PMFBP1: variants seen among roughly 807,000 people sequenced by gnomAD.
PMFBP1 encodes the protein polyamine-modulated factor 1-binding protein 1.
In PMFBP1, 131 loss-of-function variants were observed where a neutral mutation model predicts 137.8. The observed-to-expected ratio is 0.95, with a 90% CI of 0.82 to 1.10. The LOEUF (loss-of-function observed/expected upper bound fraction) is 1.10, where lower values mean the gene tolerates loss of function less well. Ranked by LOEUF, PMFBP1 falls within the 50% of genes least tolerant of loss-of-function variation. The pLI is 0.00. For missense variants in PMFBP1, 1,199 were observed against 1,175.4 expected (o/e 1.02, Z -0.29); for synonymous variants, 490 against 450.4 (o/e 1.09, Z -1.11).
chr16:72,165,429 T>C (rs1432032509), intron 2 of PMFBP1, among the ~76,000 whole-genome samples: 1 of 151,782 alleles, frequency 6.6e-6, no homozygotes, highest in African/African-American at 2.4e-5. Flanking sequence ...TTTTTTTTTT[T>C]TTTGAGACGG....
chr16:72,172,806 A>C (rs2144538179), upstream of PMFBP1, among the ~76,000 whole-genome samples: 1 of 152,322 alleles, frequency 6.6e-6, no homozygotes, highest in South Asian at 2.1e-4. Flanking sequence ...TTAATTAAAA[A>C]TACTTTGTTG....
the PMFBP1 span, among the ~76,000 whole-genome samples, chr16:72,238,145 A>G: frequency 6.6e-6 from 1 of 152,204 alleles, no homozygotes. Context: ...TGATTTATAT[A>G]TATTCCTTTG....
the PMFBP1 span, among the ~76,000 whole-genome samples, chr16:72,191,140 C>G: frequency 6.6e-6 from 1 of 152,150 alleles, no homozygotes; most frequent in African/African-American, 2.4e-5. Context: ...TATAGGATTT[C>G]TCATTGGGTC....
upstream of PMFBP1, among the ~76,000 whole-genome samples, chr16:72,178,234 G>A (rs142662668): frequency 1.3e-5 from 2 of 152,252 alleles, no homozygotes; most frequent in Non-Finnish European, 2.9e-5. Context: ...AGTGTATCAT[G>A]TCAGGGATAC....
rs1159276619 is a variant in PMFBP1, at chr16:72,124,772, T to A, written c.2584A>T (p.Lys862Ter). Reference sequence around the variant, plus strand: ...AGAAGCCAAGGCATGCCCACCTCCTTATCGTCCTCAAGGAGGTTCTCTTTT... The same window carrying A: ...AGAAGCCAAGGCATGCCCACCTCCTAATCGTCCTCAAGGAGGTTCTCTTTT... ...ALKENLLEDD[K>*]EPCCLPQWSV... Residue 862 changes from lysine (K) to a stop codon, truncating the protein, a stop_gained, in exon 17 of 21, where the codon AAG becomes TAG. Coordinates refer to ENST00000237353, the MANE Select transcript of PMFBP1 (RefSeq NM_031293.3). LOFTEE classifies it high-confidence loss of function. The A allele has an allele frequency of 6.2e-7, 1 of 1,613,568 alleles. No homozygotes were observed. Among genetic ancestry groups the A allele is most frequent in the Non-Finnish European group, 8.5e-7 (1 of 1,179,742 alleles).
At chr16:72,158,519 T>C (rs1005109778) in intron 3 of PMFBP1, among the ~76,000 whole-genome samples, 2 of 151,844 alleles carry the variant, frequency 1.3e-5, no homozygotes, top group Non-Finnish European at 2.9e-5. Flanking sequence ...CATACACAGA[T>C]AGAGGGGCTT....
the PMFBP1 span, among the ~76,000 whole-genome samples, chr16:72,233,645 T>C: frequency 2.6e-5 from 4 of 152,184 alleles, no homozygotes; most frequent in African/African-American, 9.6e-5. Context: ...GTACACAACG[T>C]GTACAGAGCT....
rs745615140 is a variant in PMFBP1 at position 72,171,246 on chromosome 16, AT to A, written c.-39del. The A allele has an allele frequency of 1.1e-5, 17 of 1,611,708 alleles. No homozygotes were observed. In the East Asian group the frequency reaches 1.1e-4, roughly 11 times the overall value. ...TCTCAATTCTCCTTTAACCTTTAGT[AT>A]TTTCTGAGCTTTGTTATAAACCTGA... On this transcript the variant is annotated 5_prime_UTR_variant, in exon 2 of 21. An upstream open reading frame in the 5' UTR loses its in-frame stop. Transcript: ENST00000237353.
chr16:72,184,532 C>A, the PMFBP1 span, among the ~76,000 whole-genome samples: 1 of 152,212 alleles, frequency 6.6e-6, no homozygotes, highest in Admixed American at 6.5e-5. Flanking sequence ...ATCTGCATAA[C>A]AGCCCTATGG....
chr16:72,153,100 A>G (rs1235959039), intron 4 of PMFBP1, among the ~76,000 whole-genome samples: 1 of 152,224 alleles, frequency 6.6e-6, no homozygotes, highest in Non-Finnish European at 1.5e-5. Flanking sequence ...ATTCAGGGTC[A>G]CTTTATCCAG....
chr16:72,146,622 A>T (rs1168975358), intron 5 of PMFBP1, among the ~76,000 whole-genome samples: 1 of 152,058 alleles, frequency 6.6e-6, no homozygotes, highest in Non-Finnish European at 1.5e-5. Context: ...TATTTAGAAA[A>T]CCCCATCGTC....
At chr16:72,243,900 C>A in the PMFBP1 span, among the ~76,000 whole-genome samples, 1 of 152,132 alleles carries the variant, frequency 6.6e-6, no homozygotes, top group Non-Finnish European at 1.5e-5. Flanking sequence ...CTGACCTGCA[C>A]GAGAGTTTTC....
At chr16:72,178,247 G>A (rs151017503), upstream of PMFBP1, among the ~76,000 whole-genome samples, 140 of 152,248 alleles carry the variant, frequency 9.2e-4, no homozygotes, top group African/African-American at 3.0e-3. Flanking sequence ...AGGGATACAT[G>A]ATATCAATGC....
At position 72,171,363 on chromosome 16, in the gene PMFBP1, T is replaced by A. The variant is rs1210114379; in HGVS notation, c.-60-95A>T. 8 of 771,404 alleles carry A rather than the reference T, an allele frequency of 1.0e-5. No individual in the cohort carries two copies. In the Admixed American group the frequency reaches 2.2e-4, roughly 21 times the overall value. 47.8% of individuals were successfully genotyped at this position (771,404 alleles called of 1,614,324 possible). A position where few individuals can be genotyped will look rare whatever the true frequency, so the allele number is the denominator to read the frequency against. On this transcript the variant is annotated intron_variant, in intron 1 of 20. Coordinates refer to ENST00000237353, the MANE Select transcript of PMFBP1 (RefSeq NM_031293.3). ...CTGGATCTATGCCCTCAGCAAGAGG[T>A]TTGGAAAATTTTCCTGAACTGTTAG...
chr16:72,165,108 A>C (rs1483093236), intron 2 of PMFBP1, among the ~76,000 whole-genome samples, 192 bp from the exon 3 acceptor site: 2 of 152,202 alleles, frequency 1.3e-5, no homozygotes, highest in African/African-American at 4.8e-5. Context: ...TGCATTATTC[A>C]GACAATTACT....
At chr16:72,235,318 A>G in the PMFBP1 span, among the ~76,000 whole-genome samples, 4 of 152,178 alleles carry the variant, frequency 2.6e-5, no homozygotes, top group Non-Finnish European at 4.4e-5. Flanking sequence ...TTGAAAATCA[A>G]TTGACTATAA....
chr16:72,154,638 G>A (rs1180281020), intron 3 of PMFBP1, among the ~76,000 whole-genome samples, 179 bp from the exon 4 acceptor site: 7 of 151,718 alleles, frequency 4.6e-5, no homozygotes. Flanking sequence ...GTATCACTTA[G>A]TATTCCCACT....
intron 3 of PMFBP1, among the ~76,000 whole-genome samples, chr16:72,163,655 G>A (rs1352293244): frequency 2.0e-5 from 3 of 152,192 alleles, no homozygotes; most frequent in African/African-American, 7.2e-5. Context: ...CAGATAAAAG[G>A]TGTGTCCACT....
chr16:72,234,182 T>C, the PMFBP1 span, among the ~76,000 whole-genome samples: 2 of 152,214 alleles, frequency 1.3e-5, no homozygotes, highest in Non-Finnish European at 1.5e-5. Context: ...CTGCACCATT[T>C]TAGAATCCCA....
Sources: allele counts gnomAD v4.1 joint callset (sites outside exome capture counted in the v4.1 genomes callset), GRCh38; gene constraint gnomAD v4.1.1; transcripts MANE v1.5; gene names NCBI Gene and HGNC (gene_info 2026-07-23, HGNC 2026-07-21).